The following EPB41L1 variants were observed in gnomAD, a reference collection of about 807,000 sequenced individuals.
EPB41L1 encodes the protein band 4.1-like protein 1.
In EPB41L1, 29 loss-of-function variants were observed where a neutral mutation model predicts 97.8. The observed-to-expected ratio is 0.30, with a 90% CI of 0.22 to 0.40. The LOEUF (loss-of-function observed/expected upper bound fraction) is 0.40. Ranked by LOEUF, EPB41L1 falls within the 10% of genes least tolerant of loss-of-function variation. The probability of loss-of-function intolerance (pLI) is 1.00; values close to 1 mark genes in which losing one functional copy is unlikely to be tolerated. For missense variants in EPB41L1, 812 were observed against 1,162.3 expected (o/e 0.70, Z 4.38); for synonymous variants, 383 against 459.2 (o/e 0.83, Z 2.12).
chr20:36,093,339 GCGT>G lies in EPB41L1; in HGVS notation c.-65+1730_-65+1732del, dbSNP rs1285148786. ...CGGGTGTGGGTGTGTGTGTGCGCGC[GCGT>G]CGCTGTGTGCGCGCCAGTGTAACTC... On this transcript the variant is annotated intron_variant, in intron 1 of 19. Coordinates refer to the EPB41L1 transcript ENST00000202028. This position sits in a 1 kb window ranked among gnomAD's most constrained non-coding sequence, Gnocchi z 5.4. 6.6e-6 allele frequency among the ~76,000 whole-genome samples: 1 copy of G among 151,802 alleles called. No homozygotes were observed.
At chr20:36,188,297 C>A (rs772918699) in intron 8 of EPB41L1, 50 bp from the exon 9 acceptor site, 1 of 1,610,944 alleles carries the variant, frequency 6.2e-7, no homozygotes, top group African/African-American at 1.3e-5. Flanking sequence ...GGTAGGCTGT[C>A]CCCAGGCATG....
At chr20:36,134,852 CTTTTTTTTT>C (rs764236552) in intron 2 of EPB41L1, among the ~76,000 whole-genome samples, 20 of 107,658 alleles carry the variant, frequency 1.9e-4, no homozygotes, top group African/African-American at 6.1e-4. Flanking sequence ...TTTTCTCTGT[CTTTTTTTTT>C]TTTTTTTTTT....
intron 1 of EPB41L1, among the ~76,000 whole-genome samples, chr20:36,161,644 C>G (rs569840310): frequency 6.6e-6 from 1 of 151,964 alleles, no homozygotes; most frequent in Non-Finnish European, 1.5e-5. Context: ...CTGGCTAGTT[C>G]TTGTATTTTT....
chr20:36,207,727 G>A lies in EPB41L1; in HGVS notation c.1669-1761G>A, dbSNP rs769616341. 137 of 1,289,956 alleles carry A rather than the reference G, an allele frequency of 1.1e-4. No homozygotes were observed. The highest frequency in any genetic ancestry group is 7.0e-4 in the African/African-American group (46 of 66,002). 79.9% of individuals were successfully genotyped at this position (1,289,956 alleles called of 1,614,324 possible). ...GGAAGCACACACGGAACTAGAGCCC[G>A]TGTCCCCCAATTCAGGCTGTGAAAC... On this transcript the variant is annotated intron_variant, in intron 14 of 21. Transcript: ENST00000338074. This position sits in a 1 kb window ranked among gnomAD's most constrained non-coding sequence, Gnocchi z 4.9.
chr20:36,148,856 C>A (rs2059936374), intron 2 of EPB41L1: 1 of 152,268 alleles, frequency 6.6e-6, no homozygotes, highest in Admixed American at 6.5e-5. Flanking sequence ...AGCCTCATGA[C>A]AACGGAGCCC....
Position 36,200,909 on chromosome 20 carries a change from G to A in EPB41L1, c.1668+2868G>A, listed in dbSNP as rs1479091849. ...CCAGGACATCTCTCAGCGGGACTTG[G>A]TACCTGAGCCTGGAGCAGCCGCAGG... is the stretch of plus-strand genomic sequence containing the variant. On this transcript the variant is annotated intron_variant, in intron 14 of 21. Transcript: ENST00000338074. 37 of 456,520 alleles carry A rather than the reference G, an allele frequency of 8.1e-5. No homozygotes were observed. The East Asian group carries it at 2.6e-3, about 32-fold the overall frequency. 28.3% of individuals were successfully genotyped at this position (456,520 alleles called of 1,614,324 possible).
At chr20:36,177,760 C>T (rs892489407) in intron 3 of EPB41L1, among the ~76,000 whole-genome samples, 192 bp from the exon 4 acceptor site, 1 of 152,202 alleles carries the variant, frequency 6.6e-6, no homozygotes, top group Non-Finnish European at 1.5e-5. Context: ...AAGGAGCTGG[C>T]CATTGTTGTC....
intron 2 of EPB41L1, among the ~76,000 whole-genome samples, chr20:36,116,590 A>T (rs1318791073): frequency 6.6e-6 from 1 of 152,090 alleles, no homozygotes; most frequent in African/African-American, 2.4e-5. Flanking sequence ...AAAATGGTCC[A>T]TTCCCCGGGG....
chr20:36,221,142 T>C (rs892052978), intron 19 of EPB41L1, among the ~76,000 whole-genome samples: 4 of 152,234 alleles, frequency 2.6e-5, no homozygotes, highest in Non-Finnish European at 5.9e-5. Flanking sequence ...CTCTTCTTTC[T>C]ATCCACTCCT....
At chr20:36,203,063 A>G (rs2062590078) in intron 14 of EPB41L1, among the ~76,000 whole-genome samples, 1 of 152,146 alleles carries the variant, frequency 6.6e-6, no homozygotes, top group Non-Finnish European at 1.5e-5. Context: ...TCCAGAAAGA[A>G]TGGCTGCGGG....
chr20:36,170,260 C>T (rs968572051), intron 1 of EPB41L1, among the ~76,000 whole-genome samples: 6 of 151,874 alleles, frequency 4.0e-5, no homozygotes, highest in African/African-American at 1.5e-4. Flanking sequence ...TCTTTTTTGA[C>T]CTCTAACTTA....
intron 2 of EPB41L1, among the ~76,000 whole-genome samples, chr20:36,119,015 C>T (rs1449940044): frequency 6.6e-6 from 1 of 152,212 alleles, no homozygotes; most frequent in Non-Finnish European, 1.5e-5. Context: ...ATTAAGCAAA[C>T]CTTAACCAAG....
chr20:36,137,173 C>T (rs2059450451), intron 2 of EPB41L1, among the ~76,000 whole-genome samples: 1 of 150,342 alleles, frequency 6.7e-6, no homozygotes, highest in South Asian at 2.1e-4. Context: ...CTCCTGGGCT[C>T]AAGGGATATT....
chr20:36,155,684 T>C (rs905320952), intron 1 of EPB41L1: 3 of 455,090 alleles, frequency 6.6e-6, no homozygotes, highest in Non-Finnish European at 1.3e-5. Flanking sequence ...AAAAGGGAGT[T>C]CTGGGGATGC....
intron 2 of EPB41L1, 25 bp downstream of exon 2, chr20:36,173,979 A>G: frequency 6.3e-7 from 1 of 1,599,680 alleles, no homozygotes; most frequent in Non-Finnish European, 8.5e-7. Context: ...GCATGGGCGT[A>G]CCTTTCCTGC....
intron 2 of EPB41L1, chr20:36,113,601 G>C (rs1204348376): frequency 6.6e-6 from 1 of 152,360 alleles, no homozygotes; most frequent in Non-Finnish European, 1.5e-5. Flanking sequence ...GCTTTAGCTC[G>C]GTTAAAAGGA....
At chr20:36,193,523 G>A (rs544152501) in intron 11 of EPB41L1, among the ~76,000 whole-genome samples, 13 of 152,210 alleles carry the variant, frequency 8.5e-5, no homozygotes, top group Non-Finnish European at 1.3e-4. Context: ...GGGCATAGTC[G>A]GATTATGCCC....
intron 2 of EPB41L1, among the ~76,000 whole-genome samples, chr20:36,120,529 G>T (rs2058718253): frequency 6.6e-6 from 1 of 152,140 alleles, no homozygotes; most frequent in Admixed American, 6.5e-5. Context: ...TGAAGCTCTA[G>T]GCCAACCGTG....
At chr20:36,120,467 A>G (rs967779176) in intron 2 of EPB41L1, among the ~76,000 whole-genome samples, 1 of 152,220 alleles carries the variant, frequency 6.6e-6, no homozygotes, top group African/African-American at 2.4e-5. Flanking sequence ...CTTGAAGTCC[A>G]TACATTCCAT....
Sources: allele counts gnomAD v4.1 joint callset (sites outside exome capture counted in the v4.1 genomes callset), GRCh38; gene constraint gnomAD v4.1.1; non-coding constraint Gnocchi (gnomAD v3.1); transcripts MANE v1.5; gene names NCBI Gene and HGNC (gene_info 2026-07-23, HGNC 2026-07-21).